The following GRIP1 variants were observed in gnomAD, a reference collection of about 807,000 sequenced individuals.
GRIP1 encodes glutamate receptor-interacting protein 1.
In GRIP1, 45 loss-of-function variants were observed where a neutral mutation model predicts 129.9. The observed-to-expected ratio is 0.35, with a 90% CI of 0.27 to 0.44. GRIP1 has a LOEUF of 0.44. GRIP1 is among the 20% of genes least tolerant of loss of function. The pLI is 1.00. For synonymous variants in GRIP1, 530 were observed against 520.8 expected, an observed-to-expected ratio of 1.02 and a Z score of -0.24; for missense variants, 1,196 against 1,396.8, an observed-to-expected ratio of 0.86 and a Z score of 2.29.
chr12:66,968,069 T>C (rs954384324), intron 1 of GRIP1, among the ~76,000 whole-genome samples: 5 of 152,314 alleles, frequency 3.3e-5, no homozygotes, highest in Non-Finnish European at 7.4e-5. Context: ...CAATTTGTTA[T>C]TTTGAAATTG....
At chr12:66,831,189 A>T (rs2039510941) in intron 1 of GRIP1, among the ~76,000 whole-genome samples, 1 of 152,136 alleles carries the variant, frequency 6.6e-6, no homozygotes, top group Admixed American at 6.6e-5. Context: ...GCTCAAAAAA[A>T]GTAATATCTG....
At chr12:66,692,441 A>G (rs1217283079) in intron 1 of GRIP1, among the ~76,000 whole-genome samples, 1 of 152,204 alleles carries the variant, frequency 6.6e-6, no homozygotes, top group East Asian at 1.9e-4. Flanking sequence ...GATGACAGGC[A>G]GGGCCAAACT....
intron 1 of GRIP1, among the ~76,000 whole-genome samples, chr12:66,929,554 T>C (rs1468800112): frequency 3.9e-5 from 6 of 152,264 alleles, no homozygotes; most frequent in Non-Finnish European, 7.4e-5. Context: ...CAAAACATTT[T>C]TGAATCATAA....
intron 1 of GRIP1, among the ~76,000 whole-genome samples, chr12:66,688,056 G>A (rs144566899): frequency 8.1e-4 from 124 of 152,314 alleles, no homozygotes; most frequent in African/African-American, 2.8e-3. Flanking sequence ...TAGAGTCGAG[G>A]GATGGAGAGT....
chr12:66,817,715 A>G (rs1212311624), intron 1 of GRIP1, among the ~76,000 whole-genome samples: 4 of 152,202 alleles, frequency 2.6e-5, no homozygotes, highest in African/African-American at 9.6e-5. Flanking sequence ...GCCTAGCCTG[A>G]GAATTTTAAA....
rs575195597 is a variant in GRIP1 at position 66,471,059 on chromosome 12, C to A, written c.725-5637G>T. ...ATGATTCCCTACTAGCCAAACTCAA[C>A]TGGAAGCCAGAAGGCTTGAGAGCCC... On this transcript the variant is annotated intron_variant, in intron 7 of 24. Coordinates refer to ENST00000359742, the MANE Select transcript of GRIP1 (RefSeq NM_001366722.1). Among the ~76,000 whole-genome samples, 4 of 152,300 alleles carry A rather than the reference C, an allele frequency of 2.6e-5. No homozygotes were observed. The East Asian group carries it at 5.8e-4, about 22-fold the overall frequency.
intron 2 of GRIP1, among the ~76,000 whole-genome samples, chr12:66,596,519 A>G (rs998249153): frequency 6.6e-6 from 1 of 152,222 alleles, no homozygotes; most frequent in African/African-American, 2.4e-5. Flanking sequence ...ATGGCTCAGT[A>G]AAGAAATGGA....
intron 9 of GRIP1, among the ~76,000 whole-genome samples, chr12:66,456,605 CTATT>C (rs1330791561): frequency 6.6e-6 from 1 of 151,950 alleles, no homozygotes; most frequent in African/African-American, 2.4e-5. Context: ...TTTAAGATGA[CTATT>C]GAATCAATTT....
intron 2 of GRIP1, among the ~76,000 whole-genome samples, chr12:66,551,870 C>G (rs970545182): frequency 3.9e-5 from 6 of 152,122 alleles, no homozygotes; most frequent in African/African-American, 1.4e-4. Context: ...GCATGAGCCA[C>G]AGTGCCAGGC....
intron 23 of GRIP1, among the ~76,000 whole-genome samples, chr12:66,356,452 T>C (rs2054492265): frequency 6.6e-6 from 1 of 152,222 alleles, no homozygotes; most frequent in Non-Finnish European, 1.5e-5. Flanking sequence ...ATATTTAGGC[T>C]GTTCCACAAT....
chr12:66,776,104 T>C (rs766223521), intron 1 of GRIP1, among the ~76,000 whole-genome samples: 9 of 152,210 alleles, frequency 5.9e-5, no homozygotes, highest in Non-Finnish European at 1.0e-4. Context: ...AACTAAGTGA[T>C]GGTATAGTCA....
At chr12:66,605,896 T>C (rs995828621) in intron 1 of GRIP1, among the ~76,000 whole-genome samples, 5 of 152,180 alleles carry the variant, frequency 3.3e-5, no homozygotes, top group Non-Finnish European at 7.3e-5. Flanking sequence ...CCTCTATATC[T>C]AGCATCCTGG....
intron 2 of GRIP1, among the ~76,000 whole-genome samples, chr12:66,546,240 A>G (rs974946241): frequency 6.6e-6 from 1 of 152,160 alleles, no homozygotes; most frequent in Admixed American, 6.5e-5. Flanking sequence ...CTATAATTCC[A>G]GCACTTTGAG....
intron 1 of GRIP1, among the ~76,000 whole-genome samples, chr12:66,631,490 C>T (rs2030773196): frequency 6.6e-6 from 1 of 152,224 alleles, no homozygotes; most frequent in African/African-American, 2.4e-5. Flanking sequence ...ACAATACTAT[C>T]TATACCTAAC....
chr12:66,418,395 T>C (rs1283876372), intron 15 of GRIP1, among the ~76,000 whole-genome samples: 1 of 152,006 alleles, frequency 6.6e-6, no homozygotes, highest in East Asian at 1.9e-4. Flanking sequence ...ATGTCTCGAG[T>C]AATATCCCAC....
chr12:66,449,523 G>C (rs946263556), intron 11 of GRIP1, among the ~76,000 whole-genome samples: 3 of 152,178 alleles, frequency 2.0e-5, no homozygotes, highest in African/African-American at 7.2e-5. Context: ...GCCTGCAGTG[G>C]GGGGTGAAGA....
At chr12:66,586,080 C>T (rs972238624) in intron 2 of GRIP1, among the ~76,000 whole-genome samples, 8 of 152,172 alleles carry the variant, frequency 5.3e-5, no homozygotes, top group African/African-American at 1.7e-4. Flanking sequence ...CCTCTGGCCA[C>T]TCTCCCATTT....
At chr12:66,704,466 A>G (rs1478303104) in intron 1 of GRIP1, among the ~76,000 whole-genome samples, 7 of 152,086 alleles carry the variant, frequency 4.6e-5, no homozygotes, top group Admixed American at 4.6e-4. Context: ...AATGGACAAA[A>G]GATGTGAAGA....
intron 1 of GRIP1, among the ~76,000 whole-genome samples, chr12:66,777,130 A>G (rs765290091): frequency 2.0e-5 from 3 of 152,190 alleles, no homozygotes; most frequent in Non-Finnish European, 4.4e-5. Flanking sequence ...TCTTACACTC[A>G]GAGTGAAAGG....
Sources: gnomAD v4.1 joint callset for allele counts (sites outside exome capture counted in the v4.1 genomes callset) on GRCh38, gnomAD v4.1.1 for gene constraint, MANE v1.5 for transcripts, NCBI Gene and HGNC (gene_info 2026-07-23, HGNC 2026-07-21) for gene names.